The following DPF3 variants were observed in gnomAD, a reference collection of about 807,000 sequenced individuals.
DPF3 encodes the protein double PHD fingers 3.
DPF3 carries 18 observed loss-of-function variants against 56.8 expected under a neutral mutation model. That is an observed-to-expected ratio of 0.32 (90% CI 0.22 to 0.47). The LOEUF is 0.47. Ranked by LOEUF, DPF3 falls within the 20% of genes least tolerant of loss-of-function variation. The probability of loss-of-function intolerance (pLI) is 1.00; values close to 1 mark genes in which losing one functional copy is unlikely to be tolerated. For synonymous variants in DPF3, 188 were observed against 180.2 expected (o/e 1.04, Z -0.35); for missense variants, 403 against 488.8 (o/e 0.82, Z 1.65).
At chr14:72,624,793 G>A (rs1426885321) in intron 9 of DPF3, among the ~76,000 whole-genome samples, 3 of 152,196 alleles carry the variant, frequency 2.0e-5, no homozygotes, top group Admixed American at 1.3e-4. Context: ...CAGTGATTTT[G>A]TAAATGTCAC....
intron 1 of DPF3, among the ~76,000 whole-genome samples, chr14:72,786,665 A>G (rs1892223882): frequency 6.6e-6 from 1 of 152,244 alleles, no homozygotes; most frequent in South Asian, 2.1e-4. Flanking sequence ...CTCAGAATAC[A>G]AAATAATAGA....
chr14:72,641,134 C>A (rs1885551807), intron 8 of DPF3, among the ~76,000 whole-genome samples: 1 of 152,164 alleles, frequency 6.6e-6, no homozygotes, highest in Admixed American at 6.5e-5. Context: ...GAACGTGTTG[C>A]CCTGGGTGAG....
chr14:72,628,418 CA>C (rs1884962497), intron 9 of DPF3, among the ~76,000 whole-genome samples: 1 of 151,874 alleles, frequency 6.6e-6, no homozygotes, highest in Non-Finnish European at 1.5e-5. Context: ...TGAAGGTAAC[CA>C]AATGAAAGAT....
chr14:72,788,474 G>A (rs371766392), intron 1 of DPF3, among the ~76,000 whole-genome samples: 9 of 152,262 alleles, frequency 5.9e-5, no homozygotes, highest in South Asian at 2.1e-4. Flanking sequence ...GGAGAGCACC[G>A]CCAGCACATG....
intron 1 of DPF3, among the ~76,000 whole-genome samples, chr14:72,888,474 A>G (rs8008256): frequency 0.36 from 54,508 of 152,076 alleles, 11,960 homozygotes; most frequent in Non-Finnish European, 0.49. Context: ...CAAAAACACT[A>G]CAACACCTCA....
At chr14:72,738,969 A>G (rs1599398031) in intron 3 of DPF3, among the ~76,000 whole-genome samples, 1 of 152,184 alleles carries the variant, frequency 6.6e-6, no homozygotes. Context: ...GGCTGGGAGC[A>G]GTGGTTCACA....
intron 2 of DPF3, among the ~76,000 whole-genome samples, chr14:72,760,457 T>C (rs1438203193): frequency 2.6e-5 from 4 of 152,180 alleles, no homozygotes; most frequent in African/African-American, 4.8e-5. Context: ...TATCGCACCA[T>C]CTCAAAATCC....
intron 3 of DPF3, among the ~76,000 whole-genome samples, chr14:72,744,456 TAG>T (rs748143223): frequency 2.6e-5 from 4 of 151,408 alleles, no homozygotes; most frequent in Non-Finnish European, 5.9e-5. Flanking sequence ...GTATTTTTTG[TAG>T]AGACAGGTTC....
At chr14:72,653,242 A>G (rs1432047714) in intron 8 of DPF3, among the ~76,000 whole-genome samples, 1 of 152,166 alleles carries the variant, frequency 6.6e-6, no homozygotes, top group East Asian at 1.9e-4. Context: ...ACTTCTGACA[A>G]GGCTGCTAGG....
chr14:72,862,858 C>T (rs1162944426), intron 1 of DPF3, among the ~76,000 whole-genome samples: 1 of 152,064 alleles, frequency 6.6e-6, no homozygotes, highest in Non-Finnish European at 1.5e-5. Context: ...TCTGGGTGCC[C>T]CCACTAGAAT....
intron 8 of DPF3, among the ~76,000 whole-genome samples, chr14:72,631,856 C>G (rs1171575216): frequency 6.6e-6 from 1 of 152,178 alleles, no homozygotes; most frequent in Non-Finnish European, 1.5e-5. Flanking sequence ...ATAGAAGAAC[C>G]TAACCTAGAC....
At chr14:72,818,577 T>C (rs1883392520) in intron 1 of DPF3, among the ~76,000 whole-genome samples, 1 of 152,194 alleles carries the variant, frequency 6.6e-6, no homozygotes, top group Admixed American at 6.5e-5. Context: ...CATCGCAGGC[T>C]GAGGCGAGAG....
chr14:72,818,732 A>G (rs1001079532), intron 1 of DPF3, among the ~76,000 whole-genome samples: 1 of 152,200 alleles, frequency 6.6e-6, no homozygotes, highest in African/African-American at 2.4e-5. Context: ...ATATGGTTGT[A>G]CAACAATGGG....
At chr14:72,732,248 A>G (rs1051856556) in intron 3 of DPF3, among the ~76,000 whole-genome samples, 4 of 152,268 alleles carry the variant, frequency 2.6e-5, no homozygotes, top group Non-Finnish European at 2.9e-5. Context: ...GGCAGGCGTC[A>G]GGAGCGTGGA....
At position 72,613,039 on chromosome 14, in the gene DPF3, T is replaced by TGCGTGCACGCACGC. The variant is rs1883853697; in HGVS notation, c.*6244_*6257dup. Among the ~76,000 whole-genome samples the TGCGTGCACGCACGC allele has an allele frequency of 6.6e-6, 1 of 151,218 alleles. No individual in the cohort carries two copies. The highest frequency in any genetic ancestry group is 2.1e-4 in the South Asian group (1 of 4,736). ...GTGTGTGTGTGTGTGTGTATGTGCG[T>TGCGTGCACGCACGC]GCGTGCACGCACGCGCATGCACATG... On this transcript the variant is annotated 3_prime_UTR_variant, in exon 11 of 11. Coordinates refer to ENST00000556509, the MANE Select transcript of DPF3 (RefSeq NM_001280542.3).
At chr14:72,621,625 T>C (rs1254563109) in intron 9 of DPF3, among the ~76,000 whole-genome samples, 2 of 152,156 alleles carry the variant, frequency 1.3e-5, no homozygotes, top group Non-Finnish European at 2.9e-5. Flanking sequence ...TCTTACTAGC[T>C]GCTATGTAAG....
intron 1 of DPF3, among the ~76,000 whole-genome samples, chr14:72,866,660 C>A (rs1379433758): frequency 6.7e-6 from 1 of 150,372 alleles, no homozygotes; most frequent in East Asian, 1.9e-4. Flanking sequence ...AGTTTGAAAC[C>A]AGCCTGACCA....
chr14:72,744,911 G>A (rs1890264275), intron 3 of DPF3, among the ~76,000 whole-genome samples: 1 of 152,222 alleles, frequency 6.6e-6, no homozygotes, highest in South Asian at 2.1e-4. Flanking sequence ...TTGAAGAGCA[G>A]GCAGACTATT....
intron 1 of DPF3, among the ~76,000 whole-genome samples, chr14:72,797,505 T>G (rs992580758): frequency 6.6e-6 from 1 of 152,172 alleles, no homozygotes; most frequent in Admixed American, 6.5e-5. Flanking sequence ...AAACGCTTCA[T>G]GAATAAAGTA....
Sources: gnomAD v4.1 joint callset for allele counts (sites outside exome capture counted in the v4.1 genomes callset) on GRCh38, gnomAD v4.1.1 for gene constraint, MANE v1.5 for transcripts, NCBI Gene and HGNC (gene_info 2026-07-23, HGNC 2026-07-21) for gene names.